Variants in CASQ2 observed in about 807,000 individuals in gnomAD.
CASQ2 encodes calsequestrin 2, also known as calsequestrin-2.
In CASQ2, 49 loss-of-function variants were observed where a neutral mutation model predicts 46.5. The ratio of observed to expected loss-of-function variants is 1.05; its 90% confidence interval spans 0.84 to 1.34. CASQ2 has a LOEUF of 1.34. Ranked by LOEUF, CASQ2 falls within the 40% of genes most tolerant of loss-of-function variation. CASQ2 has a pLI of 0.00. For synonymous variants in CASQ2, 174 were observed against 168.5 expected, an observed-to-expected ratio of 1.03 and a Z score of -0.25; for missense variants, 486 against 481.3, an observed-to-expected ratio of 1.01 and a Z score of -0.09.
rs531997480 is a variant in CASQ2, at chr1:115,760,830, C to T, written c.234+7478G>A. ...TCAAGTGACTAGTGAAGAAAATTCA[C>T]ATTGATAAGCACCCACTATACTTCA... On this transcript the variant is annotated intron_variant, in intron 1 of 10. Coordinates refer to ENST00000261448, the MANE Select transcript of CASQ2 (RefSeq NM_001232.4). Among the ~76,000 whole-genome samples, 4 of 152,300 alleles carry T rather than the reference C, an allele frequency of 2.6e-5. No individual in the cohort carries two copies. The East Asian group carries it at 7.7e-4, about 29-fold the overall frequency.
In CASQ2 at chr1:115,768,645, A is replaced by G; in HGVS notation, c.-104T>C. 1 of 776,510 alleles carries G rather than the reference A, an allele frequency of 1.3e-6. No homozygotes were observed. Among genetic ancestry groups the G allele is most frequent in the Non-Finnish European group, 2.2e-6 (1 of 455,634 alleles). The allele number at this position is 776,510 out of a possible 1,614,324, so 48.1% of individuals were successfully genotyped here. On this transcript the variant is annotated 5_prime_UTR_variant, in exon 1 of 11. Transcript: ENST00000261448. ...AGCCAAGGAGAGAGCAGACAGGCTG[A>G]TTTTCTCTCTTCTTTGCCCTTCCTG...
chr1:115,731,329 T>C (rs922370438), intron 5 of CASQ2, among the ~76,000 whole-genome samples: 1 of 152,230 alleles, frequency 6.6e-6, no homozygotes, highest in Non-Finnish European at 1.5e-5. Flanking sequence ...AAGGCTTTGT[T>C]GCTGGACAAA....
At chr1:115,767,347 C>T (rs757964778) in intron 1 of CASQ2, among the ~76,000 whole-genome samples, 10 of 152,084 alleles carry the variant, frequency 6.6e-5, no homozygotes, top group Non-Finnish European at 1.2e-4. Context: ...GATTTTATTA[C>T]AGTCAATTTT....
intron 4 of CASQ2, among the ~76,000 whole-genome samples, chr1:115,734,937 A>G (rs1647906842): frequency 6.6e-6 from 1 of 152,358 alleles, no homozygotes; most frequent in Middle Eastern, 3.4e-3. Context: ...AAACATGTCA[A>G]AATAGATTCT....
At chr1:115,716,950 G>T (rs1342648747) in intron 8 of CASQ2, among the ~76,000 whole-genome samples, 11 of 152,188 alleles carry the variant, frequency 7.2e-5, no homozygotes, top group Admixed American at 5.9e-4. Flanking sequence ...GGTGGGGCCT[G>T]GTGGGAGATG....
intron 3 of CASQ2, among the ~76,000 whole-genome samples, chr1:115,738,631 T>G (rs1213373490): frequency 6.6e-6 from 1 of 152,240 alleles, no homozygotes; most frequent in Non-Finnish European, 1.5e-5. Context: ...TTATTGGATG[T>G]AAAGTGTTGC....
intron 5 of CASQ2, among the ~76,000 whole-genome samples, chr1:115,727,360 T>A (rs1647632386): frequency 6.6e-6 from 1 of 152,112 alleles, no homozygotes; most frequent in African/African-American, 2.4e-5. Flanking sequence ...CAAATGAGGG[T>A]CGGGCAGGGG....
rs1365713659 is a variant in CASQ2 at position 115,718,814 on chromosome 1, C to A, written c.784-920G>T. On this transcript the variant is annotated intron_variant, in intron 7 of 10. Transcript: ENST00000261448. ...GACCCTATGCCTTGTGTCTCCTTTG[C>A]AATGATTATTCCTGGAGAAAGAGGA... 3.3e-5 allele frequency among the ~76,000 whole-genome samples: 5 copies of A among 152,142 alleles called. No homozygotes were observed. The East Asian group carries it at 7.7e-4, about 23-fold the overall frequency.
intron 1 of CASQ2, among the ~76,000 whole-genome samples, chr1:115,751,667 A>T (rs1648588343): frequency 1.1e-5 from 1 of 90,280 alleles, no homozygotes; most frequent in Admixed American, 1.1e-4. Flanking sequence ...GTGAGCCTCC[A>T]TCTTAAAAAA....
intron 7 of CASQ2, among the ~76,000 whole-genome samples, chr1:115,721,156 T>C (rs1203429850): frequency 1.3e-5 from 2 of 152,148 alleles, no homozygotes; most frequent in African/African-American, 4.8e-5. Flanking sequence ...CTTGAAAGTA[T>C]TTTGTTGTTG....
intron 1 of CASQ2, among the ~76,000 whole-genome samples, chr1:115,758,401 T>C (rs1648832430): frequency 6.6e-6 from 1 of 152,234 alleles, no homozygotes; most frequent in African/African-American, 2.4e-5. Context: ...CAAATGCTGT[T>C]GAATACCTAC....
At chr1:115,754,156 A>C (rs12758323) in intron 1 of CASQ2, among the ~76,000 whole-genome samples, 16,534 of 152,186 alleles carry the variant, frequency 0.11, 1,009 homozygotes, top group South Asian at 0.23. Flanking sequence ...CCCTCAAAGT[A>C]GGCCTGAGCT....
intron 1 of CASQ2, among the ~76,000 whole-genome samples, chr1:115,752,424 A>G (rs1648615944): frequency 6.6e-6 from 1 of 152,256 alleles, no homozygotes; most frequent in Admixed American, 6.5e-5. Flanking sequence ...AATAAAAAAT[A>G]AAAACAAATA....
At chr1:115,706,492 G>C (rs1464161276) in intron 8 of CASQ2, among the ~76,000 whole-genome samples, 1 of 152,174 alleles carries the variant, frequency 6.6e-6, no homozygotes, top group African/African-American at 2.4e-5. Flanking sequence ...ATATGCCTGG[G>C]AACCAGAGAG....
chr1:115,715,028 A>C (rs1226135008), intron 8 of CASQ2, among the ~76,000 whole-genome samples: 2 of 152,246 alleles, frequency 1.3e-5, no homozygotes, highest in African/African-American at 4.8e-5. Flanking sequence ...CCAAAGAGCC[A>C]GACAGGCTTC....
At chr1:115,723,049 A>G (rs1647436093) in intron 7 of CASQ2, among the ~76,000 whole-genome samples, 1 of 152,116 alleles carries the variant, frequency 6.6e-6, no homozygotes, top group Admixed American at 6.5e-5. Flanking sequence ...ATCCGTCTCA[A>G]AAAAAATAAT....
At chr1:115,756,502 C>T (rs1226745329) in intron 1 of CASQ2, among the ~76,000 whole-genome samples, 1 of 152,206 alleles carries the variant, frequency 6.6e-6, no homozygotes, top group African/African-American at 2.4e-5. Flanking sequence ...CAAACTGCCG[C>T]AGAGTAGGGC....
intron 7 of CASQ2, among the ~76,000 whole-genome samples, chr1:115,720,536 C>T (rs1351160162): frequency 6.6e-6 from 1 of 152,162 alleles, no homozygotes; most frequent in African/African-American, 2.4e-5. Context: ...AGAACAGGCT[C>T]CATGAATTTA....
At chr1:115,768,205 T>C in intron 1 of CASQ2, 103 bp downstream of exon 1, 2 of 810,548 alleles carry the variant, frequency 2.5e-6, no homozygotes, top group East Asian at 2.4e-5. Flanking sequence ...GAGTTCAGTA[T>C]ATATTCTCTG....
Sources: gnomAD v4.1 joint callset for allele counts (sites outside exome capture counted in the v4.1 genomes callset) on GRCh38, gnomAD v4.1.1 for gene constraint, MANE v1.5 for transcripts, NCBI Gene and HGNC (gene_info 2026-07-23, HGNC 2026-07-21) for gene names.